RBM20: variants seen among roughly 807,000 people sequenced by gnomAD.
RBM20 encodes RNA-binding protein 20.
Under a neutral mutation model 110.1 loss-of-function variants are expected in RBM20, and 51 were observed. That is an observed-to-expected ratio of 0.46 (90% CI 0.37 to 0.59). RBM20 has a LOEUF of 0.59. RBM20 is among the 20% of genes least tolerant of loss of function. The pLI is 0.00. For missense variants in RBM20, 1,512 were observed against 1,574.9 expected, an observed-to-expected ratio of 0.96 and a Z score of 0.68; for synonymous variants, 589 against 618.2, an observed-to-expected ratio of 0.95 and a Z score of 0.70.
At chr10:110,820,698 G>T (rs551659391) in intron 10 of RBM20, among the ~76,000 whole-genome samples, 1 of 152,234 alleles carries the variant, frequency 6.6e-6, no homozygotes, top group Admixed American at 6.5e-5. Flanking sequence ...GGCCATCTTC[G>T]TGCCTTTCCG....
chr10:110,646,486 G>C (rs533770911), intron 1 of RBM20, among the ~76,000 whole-genome samples: 1 of 152,316 alleles, frequency 6.6e-6, no homozygotes, highest in African/African-American at 2.4e-5. Flanking sequence ...CTCAAGAAGC[G>C]CCTCATGGCT....
intron 5 of RBM20, among the ~76,000 whole-genome samples, chr10:110,787,769 T>C (rs977807594): frequency 6.6e-6 from 1 of 152,072 alleles, no homozygotes; most frequent in Non-Finnish European, 1.5e-5. Flanking sequence ...AACATTTTGC[T>C]AGGAGCTAGG....
chr10:110,820,274 G>A, intron 10 of RBM20, 98 bp downstream of exon 10: 3 of 752,414 alleles, frequency 4.0e-6, no homozygotes, highest in Non-Finnish European at 6.7e-6. Context: ...GAATATGGCT[G>A]AGACCCCACC....
chr10:110,760,623 T>C (rs997354384), intron 1 of RBM20, among the ~76,000 whole-genome samples: 1 of 150,104 alleles, frequency 6.7e-6, no homozygotes, highest in Admixed American at 6.6e-5. Flanking sequence ...GTATTTTTAG[T>C]AGAGACGCAG....
rs575921508 is a variant in RBM20 at position 110,700,809 on chromosome 10, A to G, written c.191+56164A>G. 3.9e-5 allele frequency among the ~76,000 whole-genome samples: 6 copies of G among 152,268 alleles called. No individual in the cohort carries two copies. In the East Asian group the frequency reaches 1.2e-3, roughly 29 times the overall value. ...GGCGGGCGGATCACCTGAGGTCAGG[A>G]GTTCAAGACCAGTCTGGCCAACATG... is the stretch of plus-strand genomic sequence containing the variant. On this transcript the variant is annotated intron_variant, in intron 1 of 13. Transcript: ENST00000369519.
At chr10:110,831,687 A>AAAAG (rs1431606606) in intron 13 of RBM20, among the ~76,000 whole-genome samples, 2 of 149,186 alleles carry the variant, frequency 1.3e-5, no homozygotes, top group Non-Finnish European at 3.0e-5. Flanking sequence ...AAAAAAAAAA[A>AAAAG]AAAACACTGC....
chr10:110,821,831 C>A lies in RBM20; in HGVS notation c.3212C>A (p.Thr1071Asn). 2 of 1,551,726 alleles carry A rather than the reference C, an allele frequency of 1.3e-6. No individual in the cohort carries two copies. The highest frequency in any genetic ancestry group is 1.7e-6 in the Non-Finnish European group (2 of 1,146,990). The change falls in exon 11 of 14, where the codon ACC becomes AAC. Residue 1071 changes from threonine (T) to asparagine (N), a missense_variant. By Grantham distance (65) the Thr-to-Asn change is moderately conservative. This residue lies in a region of RBM20 where 358 missense variants were observed against 384.2 expected (regional missense o/e 0.93). Transcript: ENST00000369519. ...PFVDDCKTRG[T>N]PEDGACEGSP... is the part of the protein sequence containing the mutation. ...GTGGATGATTGCAAGACCAGGGGGA[C>A]CCCCGAAGATGGGGCTTGTGAAGGC...
chr10:110,827,604 C>G (rs1844998333), intron 12 of RBM20, among the ~76,000 whole-genome samples: 1 of 152,176 alleles, frequency 6.6e-6, no homozygotes, highest in Non-Finnish European at 1.5e-5. Flanking sequence ...TATTTAACCT[C>G]TGCTTGGATT....
intron 1 of RBM20, among the ~76,000 whole-genome samples, chr10:110,681,920 G>C (rs563365499): frequency 4.0e-5 from 6 of 150,232 alleles, no homozygotes; most frequent in African/African-American, 1.5e-4. Flanking sequence ...ACAAAGTTTC[G>C]CTCTTGTTGC....
At chr10:110,810,794 C>CGTGT (rs111830546) in intron 8 of RBM20, among the ~76,000 whole-genome samples, 23 of 147,384 alleles carry the variant, frequency 1.6e-4, no homozygotes, top group Non-Finnish European at 2.3e-4. Context: ...AAAAGTAATG[C>CGTGT]GTGTGTGTGT....
At chr10:110,768,200 G>A (rs112118519) in intron 1 of RBM20, among the ~76,000 whole-genome samples, 4 of 152,274 alleles carry the variant, frequency 2.6e-5, no homozygotes, top group South Asian at 4.2e-4. Context: ...GCTTCAGCTC[G>A]GCATCAGAGG....
chr10:110,771,201 G>C (rs1322121893), intron 1 of RBM20, among the ~76,000 whole-genome samples: 1 of 152,004 alleles, frequency 6.6e-6, no homozygotes, highest in Admixed American at 6.6e-5. Context: ...CTGTTGCCCA[G>C]GCTGGAGTGC....
intron 9 of RBM20, 77 bp from the exon 10 acceptor site, chr10:110,819,995 T>C: frequency 1.1e-6 from 1 of 890,546 alleles, no homozygotes; most frequent in Non-Finnish European, 1.7e-6. Flanking sequence ...GGGACCTGCA[T>C]TCAATATCAT....
Position 110,836,177 on chromosome 10 carries a change from T to C in RBM20, c.*199T>C, listed in dbSNP as rs1460592916. On this transcript the variant is annotated 3_prime_UTR_variant, in exon 14 of 14. Coordinates refer to ENST00000369519, the MANE Select transcript of RBM20 (RefSeq NM_001134363.3). ...TCCAGGAGCAAGTCACCCAGGTGTG[T>C]CCAGCCCACTGAGGGTCACCAACTC... 7.4e-6 allele frequency: 3 copies of C among 404,240 alleles called. No individual in the cohort carries two copies. Among genetic ancestry groups the C allele is most frequent in the Non-Finnish European group, 1.3e-5 (3 of 228,588 alleles). The allele number at this position is 404,240 out of a possible 1,614,324, so 25.0% of individuals were successfully genotyped here. A position where few individuals can be genotyped will look rare whatever the true frequency, so the allele number is the denominator to read the frequency against.
At chr10:110,672,152 C>T (rs897489483) in intron 1 of RBM20, among the ~76,000 whole-genome samples, 4 of 152,170 alleles carry the variant, frequency 2.6e-5, no homozygotes, top group African/African-American at 7.2e-5. Flanking sequence ...GGGAGCCGTC[C>T]CTGCCGCGCT....
chr10:110,784,398 C>A lies in RBM20; in HGVS notation c.1395C>A (p.Asn465Lys). Reference sequence around the variant, plus strand: ...AGGGAACATTGTGTGCTTCTCCCAACAGCACAGCTGTTTATAACCCTGCTG... The same window carrying A: ...AGGGAACATTGTGTGCTTCTCCCAAAAGCACAGCTGTTTATAACCCTGCTG... ...SAEGTLCASP[N>K]STAVYNPAGN... Residue 465 changes from asparagine (N) to lysine (K), a missense_variant, in exon 4 of 14, where the codon AAC (asparagine) becomes AAA (lysine). Around this residue, in one of 3 missense-constraint regions of RBM20, gnomAD observed 1,149 missense variants for 1,169.4 expected, o/e 0.98. Transcript: ENST00000369519. 2 of 1,551,452 alleles carry A rather than the reference C, an allele frequency of 1.3e-6. No homozygotes were observed. Among genetic ancestry groups the A allele is most frequent in the Non-Finnish European group, 1.7e-6 (2 of 1,146,920 alleles).
chr10:110,731,377 A>G (rs1334615665), intron 1 of RBM20, among the ~76,000 whole-genome samples: 1 of 152,202 alleles, frequency 6.6e-6, no homozygotes, highest in Non-Finnish European at 1.5e-5. Context: ...CAATAAAAGA[A>G]TGGACTCAAT....
chr10:110,699,879 C>T (rs1004943022), intron 1 of RBM20, among the ~76,000 whole-genome samples: 1 of 152,042 alleles, frequency 6.6e-6, no homozygotes, highest in South Asian at 2.1e-4. Flanking sequence ...CACGCACTGC[C>T]GTATCATCAC....
chr10:110,721,079 G>A (rs370913839), intron 1 of RBM20, among the ~76,000 whole-genome samples: 4 of 152,164 alleles, frequency 2.6e-5, no homozygotes, highest in Non-Finnish European at 4.4e-5. Flanking sequence ...CTCAGTTGCC[G>A]CCACATGGAG....
Sources: allele counts gnomAD v4.1 joint callset (sites outside exome capture counted in the v4.1 genomes callset), GRCh38; gene constraint gnomAD v4.1.1; regional missense constraint gnomAD v4.1.1; transcripts MANE v1.5; gene names NCBI Gene and HGNC (gene_info 2026-07-23, HGNC 2026-07-21).